CNTN5: variants seen among roughly 807,000 people sequenced by gnomAD.
CNTN5 encodes contactin-5.
CNTN5 carries 77 observed loss-of-function variants against 129.1 expected under a neutral mutation model. The observed-to-expected ratio is 0.60, with a 90% CI of 0.50 to 0.72. The LOEUF (loss-of-function observed/expected upper bound fraction) is 0.72, where lower values mean the gene tolerates loss of function less well. CNTN5 is among the 30% of genes least tolerant of loss of function. The pLI is 0.00. For missense variants in CNTN5, 1,478 were observed against 1,328.8 expected (o/e 1.11, Z -1.75); for synonymous variants, 509 against 465.6 (o/e 1.09, Z -1.20).
chr11:99,716,040 A>G (rs1372832135), intron 3 of CNTN5, among the ~76,000 whole-genome samples: 1 of 151,848 alleles, frequency 6.6e-6, no homozygotes, highest in Non-Finnish European at 1.5e-5. Flanking sequence ...AAAAGTTTGG[A>G]AGATTTTCTT....
At chr11:99,105,499 G>A (rs1017878280) in intron 1 of CNTN5, among the ~76,000 whole-genome samples, 2 of 152,004 alleles carry the variant, frequency 1.3e-5, no homozygotes, top group Non-Finnish European at 2.9e-5. Context: ...CAGTCCTACA[G>A]CATCATATTC....
At chr11:99,313,009 C>T (rs999346835) in intron 1 of CNTN5, among the ~76,000 whole-genome samples, 1 of 151,712 alleles carries the variant, frequency 6.6e-6, no homozygotes, top group African/African-American at 2.4e-5. Flanking sequence ...AGTAGAAAAC[C>T]CAGAGCTACC....
chr11:99,649,307 C>A (rs1260643522), intron 3 of CNTN5, among the ~76,000 whole-genome samples: 1 of 151,630 alleles, frequency 6.6e-6, no homozygotes, highest in Admixed American at 6.6e-5. Context: ...TTTATTTATT[C>A]AACCATTTAG....
intron 4 of CNTN5, among the ~76,000 whole-genome samples, chr11:99,821,844 A>G (rs1322475175): frequency 6.6e-6 from 1 of 152,202 alleles, no homozygotes; most frequent in African/African-American, 2.4e-5. Context: ...GCAAGGCTCT[A>G]GGCTGGTAAC....
intron 9 of CNTN5, among the ~76,000 whole-genome samples, chr11:100,059,096 C>G (rs1186053690): frequency 6.6e-6 from 1 of 152,016 alleles, no homozygotes; most frequent in East Asian, 1.9e-4. Flanking sequence ...AATTGAGAAG[C>G]CTGAAGCAGA....
At chr11:99,648,986 T>C (rs181858034) in intron 3 of CNTN5, among the ~76,000 whole-genome samples, 6 of 151,736 alleles carry the variant, frequency 4.0e-5, no homozygotes, top group Admixed American at 3.3e-4. Context: ...AGTTATAGTA[T>C]TCTATAACAC....
intron 3 of CNTN5, among the ~76,000 whole-genome samples, chr11:99,758,043 G>C (rs1441028356): frequency 6.6e-6 from 1 of 151,930 alleles, no homozygotes; most frequent in Non-Finnish European, 1.5e-5. Context: ...CAAACGTTTG[G>C]ACAATTTAGT....
chr11:99,947,892 G>A (rs888007209), intron 7 of CNTN5, among the ~76,000 whole-genome samples: 2 of 152,132 alleles, frequency 1.3e-5, no homozygotes, highest in African/African-American at 4.8e-5. Context: ...AATGTTGAGT[G>A]TTTTAAATAC....
At chr11:99,654,539 G>A (rs1232501530) in intron 3 of CNTN5, among the ~76,000 whole-genome samples, 3 of 152,052 alleles carry the variant, frequency 2.0e-5, no homozygotes, top group African/African-American at 7.2e-5. Flanking sequence ...TAAAAATGAT[G>A]TAGGTTTCAA....
At chr11:99,613,731 TA>T (rs1950667908) in intron 3 of CNTN5, among the ~76,000 whole-genome samples, 1 of 152,230 alleles carries the variant, frequency 6.6e-6, no homozygotes, top group African/African-American at 2.4e-5. Flanking sequence ...TCACCATTTT[TA>T]TTCTGAGGAT....
chr11:99,817,840 G>T (rs576366180), intron 3 of CNTN5, among the ~76,000 whole-genome samples: 1 of 141,548 alleles, frequency 7.1e-6, no homozygotes, highest in African/African-American at 2.5e-5. Flanking sequence ...TTGCCCAAGG[G>T]AGGTTAACTC....
At chr11:99,688,275 T>A (rs767440799) in intron 3 of CNTN5, among the ~76,000 whole-genome samples, 26 of 152,146 alleles carry the variant, frequency 1.7e-4, no homozygotes, top group Admixed American at 3.9e-4. Context: ...CTCTTAGCCT[T>A]AAGTGAGTTT....
intron 3 of CNTN5, among the ~76,000 whole-genome samples, chr11:99,578,972 T>C (rs1291272663): frequency 6.6e-6 from 1 of 152,166 alleles, no homozygotes; most frequent in South Asian, 2.1e-4. Context: ...GGTCTAACCA[T>C]GTAAGTCTTT....
intron 21 of CNTN5, chr11:100,309,694 A>T: frequency 1.0e-6 from 1 of 984,964 alleles, no homozygotes; most frequent in Non-Finnish European, 1.2e-6. Context: ...AATATGTTGA[A>T]TGAATAAATG....
intron 15 of CNTN5, among the ~76,000 whole-genome samples, chr11:100,205,129 A>G (rs752666276): frequency 6.6e-6 from 1 of 151,646 alleles, no homozygotes; most frequent in Non-Finnish European, 1.5e-5. Flanking sequence ...TTTTAGATTG[A>G]CTCCTATGTT....
intron 3 of CNTN5, among the ~76,000 whole-genome samples, chr11:99,624,528 T>C (rs1426007308): frequency 6.6e-6 from 1 of 152,138 alleles, no homozygotes; most frequent in Non-Finnish European, 1.5e-5. Context: ...AGAGTGAACA[T>C]AAAATTTGAG....
chr11:99,836,648 G>T lies in CNTN5; in HGVS notation c.278-8204G>T, dbSNP rs367998984. On this transcript the variant is annotated intron_variant, in intron 4 of 24. Transcript: ENST00000524871. The stretch of plus-strand genomic sequence containing the variant: ...AGCAGCATGATTTATAATCCTTTGG[G>T]TATATACCCAGTAATGGGATGGCTG... 2.5e-4 allele frequency among the ~76,000 whole-genome samples: 38 copies of T among 152,132 alleles called. No individual in the cohort carries two copies. In the South Asian group the frequency reaches 7.7e-3, roughly 31 times the overall value.
chr11:99,847,272 T>C lies in CNTN5; in HGVS notation c.577+2010T>C, dbSNP rs56307953. ...ATCCATATGACTGTCCTAGGTTTTC[T>C]GGAAAGACCAAACATAGTTGTCAAA... On this transcript the variant is annotated intron_variant, in intron 6 of 24. Coordinates refer to ENST00000524871, the MANE Select transcript of CNTN5 (RefSeq NM_014361.4). Among the ~76,000 whole-genome samples, 697 of 152,326 alleles carry C rather than the reference T, an allele frequency of 4.6e-3. 5 individuals are homozygous for C. Among genetic ancestry groups the C allele is most frequent in the African/African-American group, 0.016 (645 of 41,576 alleles).
At chr11:99,911,092 A>T (rs1183774350) in intron 6 of CNTN5, among the ~76,000 whole-genome samples, 2 of 152,100 alleles carry the variant, frequency 1.3e-5, no homozygotes, top group African/African-American at 4.8e-5. Context: ...TATGACACTC[A>T]AATGTAATTA....
Sources: allele counts gnomAD v4.1 joint callset (sites outside exome capture counted in the v4.1 genomes callset), GRCh38; gene constraint gnomAD v4.1.1; transcripts MANE v1.5; gene names NCBI Gene and HGNC (gene_info 2026-07-23, HGNC 2026-07-21).